PI15: variants seen among roughly 807,000 people sequenced by gnomAD.
PI15 encodes peptidase inhibitor 15, also known as 25 kDa trypsin inhibitor.
PI15 carries 18 observed loss-of-function variants against 31.0 expected under a neutral mutation model. The ratio of observed to expected loss-of-function variants is 0.58; its 90% CI spans 0.40 to 0.86. The LOEUF (loss-of-function observed/expected upper bound fraction) is 0.86. Ranked by LOEUF, PI15 falls within the 40% of genes least tolerant of loss-of-function variation. The pLI is 0.00. For synonymous variants in PI15, 118 were observed against 119.1 expected (o/e 0.99, Z 0.06); for missense variants, 282 against 328.1 (o/e 0.86, Z 1.09).
chr8:74,848,067 C>T (rs1484368567), intron 5 of PI15, among the ~76,000 whole-genome samples: 2 of 152,022 alleles, frequency 1.3e-5, no homozygotes, highest in African/African-American at 4.8e-5. Context: ...CAGTTTTTAA[C>T]TCTGTTAAGT....
chr8:74,828,283 G>C (rs1329808990), intron 2 of PI15, among the ~76,000 whole-genome samples: 1 of 152,100 alleles, frequency 6.6e-6, no homozygotes, highest in African/African-American at 2.4e-5. Flanking sequence ...CACTCTCAAA[G>C]GTGAAGGAAG....
rs77715425 is a variant in PI15 at position 74,849,160 on chromosome 8, A to T, written c.684A>T (p.Pro228=). Residue 228 remains proline, a synonymous_variant, in exon 6 of 6, where the codon CCA becomes CCT. Coordinates refer to ENST00000260113, the MANE Select transcript of PI15 (RefSeq NM_015886.5). The stretch of plus-strand genomic sequence containing the variant: ...AAGCACCATATAAAGTAGGGGTACC[A>T]TGTTCATCTTGTCCTCCAAGTTATG... ...IGEAPYKVGV[P]CSSCPPSYGG... is the part of the protein sequence containing the mutation. 619 of 1,613,020 alleles carry T rather than the reference A, an allele frequency of 3.8e-4. 9 individuals carry two copies. In the East Asian group the frequency reaches 0.014, roughly 36 times the overall value.
intron 2 of PI15, 80 bp downstream of exon 2, chr8:74,825,602 C>T: frequency 8.5e-7 from 1 of 1,177,078 alleles, no homozygotes; most frequent in South Asian, 1.5e-5. Context: ...CTCAAACGAC[C>T]ACGAGTGTTT....
intron 2 of PI15, among the ~76,000 whole-genome samples, chr8:74,838,292 A>G (rs1810898398): frequency 6.6e-6 from 1 of 152,134 alleles, no homozygotes; most frequent in African/African-American, 2.4e-5. Flanking sequence ...TATATTTTAA[A>G]TTGAAAATGT....
intron 2 of PI15, among the ~76,000 whole-genome samples, chr8:74,840,522 G>A (rs887865796): frequency 1.3e-5 from 2 of 152,188 alleles, no homozygotes; most frequent in African/African-American, 4.8e-5. Context: ...AACCAATGGA[G>A]AAAGACAGAG....
chr8:74,835,009 T>C (rs1005348597), intron 2 of PI15, among the ~76,000 whole-genome samples: 1 of 109,222 alleles, frequency 9.2e-6, no homozygotes, highest in Non-Finnish European at 1.8e-5. Context: ...TTCATTTATA[T>C]TCACTGCAGT....
intron 5 of PI15, among the ~76,000 whole-genome samples, chr8:74,847,707 C>G (rs7840127): frequency 2.0e-5 from 3 of 151,870 alleles, no homozygotes; most frequent in African/African-American, 7.3e-5. Context: ...TCCTGTATAG[C>G]TAGATATTTT....
intron 2 of PI15, among the ~76,000 whole-genome samples, chr8:74,835,577 C>T (rs73689275): frequency 0.015 from 2,281 of 152,186 alleles, 57 homozygotes; most frequent in African/African-American, 0.051. Context: ...GGATAATTTC[C>T]GTATTATCAC....
chr8:74,828,355 T>C (rs929413231), intron 2 of PI15, among the ~76,000 whole-genome samples: 2 of 151,788 alleles, frequency 1.3e-5, no homozygotes, highest in Non-Finnish European at 2.9e-5. Context: ...GTTAGAAAAA[T>C]GTGCTCAATT....
At chr8:74,840,004 T>TA (rs1810923574) in intron 2 of PI15, among the ~76,000 whole-genome samples, 1 of 152,160 alleles carries the variant, frequency 6.6e-6, no homozygotes, top group African/African-American at 2.4e-5. Flanking sequence ...CATTACAACT[T>TA]AGAGCTTCCC....
rs1363300243 is a variant in PI15 at position 74,851,942 on chromosome 8, TA to T, written c.*2692del. 3.3e-5 allele frequency: 5 copies of T among 152,364 alleles called. No homozygotes were observed. The highest frequency in any genetic ancestry group is 9.6e-5 in the African/African-American group (4 of 41,454). The allele number at this position is 152,364 out of a possible 1,614,324, so 9.4% of individuals were successfully genotyped here. A position where few individuals can be genotyped will look rare whatever the true frequency, so the allele number is the denominator to read the frequency against. On this transcript the variant is annotated 3_prime_UTR_variant, in exon 6 of 6. Coordinates refer to ENST00000260113, the MANE Select transcript of PI15 (RefSeq NM_015886.5). ...TATTTGTTATTCTAACTCTATTTTT[TA>T]AAGTTAATAATATAAAGTGGCCATG...
chr8:74,836,110 T>G (rs1322318961), intron 2 of PI15, among the ~76,000 whole-genome samples: 3 of 152,182 alleles, frequency 2.0e-5, no homozygotes, highest in Non-Finnish European at 2.9e-5. Context: ...ATTTTTGGCC[T>G]GAGCAATAAA....
At chr8:74,844,197 T>C in intron 3 of PI15, 98 bp downstream of exon 3, 1 of 735,940 alleles carries the variant, frequency 1.4e-6, no homozygotes. Flanking sequence ...ATCAACAAAT[T>C]CTTATTGAAT....
At chr8:74,847,707 C>A (rs7840127) in intron 5 of PI15, among the ~76,000 whole-genome samples, 65,843 of 151,894 alleles carry the variant, frequency 0.43, 15,109 homozygotes, top group African/African-American at 0.56. Flanking sequence ...TCCTGTATAG[C>A]TAGATATTTT....
At chr8:74,845,323 G>A in intron 4 of PI15, 59 bp from the exon 5 acceptor site, 1 of 1,582,430 alleles carries the variant, frequency 6.3e-7, no homozygotes, top group South Asian at 1.1e-5. Context: ...TACTATTTTG[G>A]TGGACATGCA....
intron 2 of PI15, among the ~76,000 whole-genome samples, chr8:74,829,213 A>G (rs16938972): frequency 0.015 from 2,228 of 152,218 alleles, 12 homozygotes; most frequent in South Asian, 0.019. Flanking sequence ...GATATTATAA[A>G]TGTCTTAACA....
At chr8:74,848,650 T>C (rs1020219432) in intron 5 of PI15, among the ~76,000 whole-genome samples, 2 of 149,964 alleles carry the variant, frequency 1.3e-5, no homozygotes, top group Admixed American at 6.7e-5. Flanking sequence ...ATTCACTTCT[T>C]ATCTGTAAAT....
chr8:74,826,841 T>C (rs1311536834), intron 2 of PI15, among the ~76,000 whole-genome samples: 2 of 152,062 alleles, frequency 1.3e-5, no homozygotes, highest in African/African-American at 4.8e-5. Flanking sequence ...TGTTGCTAAC[T>C]AGATGTTCAA....
chr8:74,842,701 T>C (rs989101276), intron 2 of PI15, among the ~76,000 whole-genome samples: 2 of 152,178 alleles, frequency 1.3e-5, no homozygotes, highest in Admixed American at 6.5e-5. Context: ...AATGAGTATG[T>C]CAATCCATAT....
Sources: gnomAD v4.1 joint callset for allele counts (sites outside exome capture counted in the v4.1 genomes callset) on GRCh38, gnomAD v4.1.1 for gene constraint, MANE v1.5 for transcripts, NCBI Gene and HGNC (gene_info 2026-07-23, HGNC 2026-07-21) for gene names.